TMEM178B: variants seen among roughly 807,000 people sequenced by gnomAD.
The protein encoded by TMEM178B is transmembrane protein 178B.
In TMEM178B, 5 loss-of-function variants were observed where a neutral mutation model predicts 31.0. The observed-to-expected ratio is 0.16, with a 90% CI of 0.08 to 0.34. TMEM178B has a LOEUF of 0.34. Ranked by LOEUF, TMEM178B falls within the 10% of genes least tolerant of loss-of-function variation. The pLI, the probability that TMEM178B is intolerant of heterozygous loss-of-function variation, is 1.00. For synonymous variants in TMEM178B, 164 were observed against 164.0 expected, an observed-to-expected ratio of 1.00 and a Z score of 0.00; for missense variants, 275 against 400.3, an observed-to-expected ratio of 0.69 and a Z score of 2.67.
intron 1 of TMEM178B, among the ~76,000 whole-genome samples, chr7:141,189,854 C>T (rs1796669088): frequency 6.6e-6 from 1 of 152,150 alleles, no homozygotes; most frequent in Non-Finnish European, 1.5e-5. Context: ...ACCACCAGGG[C>T]TGCTGGGCCC....
chr7:141,402,260 G>A (rs770693416), intron 2 of TMEM178B, among the ~76,000 whole-genome samples: 1 of 152,232 alleles, frequency 6.6e-6, no homozygotes, highest in Non-Finnish European at 1.5e-5. Flanking sequence ...CCAGAAGGCT[G>A]CTGAGGAAGC....
intron 1 of TMEM178B, among the ~76,000 whole-genome samples, chr7:141,097,793 C>CTTTTTTTTTTTTTTTTT (rs552569756): frequency 1.6e-5 from 2 of 125,938 alleles, no homozygotes; most frequent in African/African-American, 3.2e-5. Context: ...TTCTTTCTTT[C>CTTTTTTTTTTTTTTTTT]TTTTTTTTTT....
intron 2 of TMEM178B, among the ~76,000 whole-genome samples, chr7:141,375,843 A>T (rs2116578046): frequency 6.6e-6 from 1 of 152,318 alleles, no homozygotes; most frequent in South Asian, 2.1e-4. Flanking sequence ...CCTCTTAGAC[A>T]TAAAATAGAA....
chr7:141,113,512 T>C (rs976519309), intron 1 of TMEM178B, among the ~76,000 whole-genome samples: 1 of 152,214 alleles, frequency 6.6e-6, no homozygotes, highest in African/African-American at 2.4e-5. Flanking sequence ...TACCTCTTCC[T>C]GGGAGGATCC....
Position 141,137,931 on chromosome 7 carries a change from G to T in TMEM178B, c.382+63239G>T, listed in dbSNP as rs143750321. On this transcript the variant is annotated intron_variant, in intron 1 of 3. Coordinates refer to ENST00000565468, the MANE Select transcript of TMEM178B (RefSeq NM_001195278.2). ...TTGTCCATGTTGTATGATGGAAGGG[G>T]GCTGCTGTAAGTTTCCATTCTACAA... is the stretch of plus-strand genomic sequence containing the variant. 2.8e-3 allele frequency among the ~76,000 whole-genome samples: 419 copies of T among 152,182 alleles called. 4 individuals carry two copies. Among genetic ancestry groups the T allele is most frequent in the African/African-American group, 9.5e-3 (395 of 41,518 alleles).
chr7:141,138,518 G>C (rs980875977), intron 1 of TMEM178B, among the ~76,000 whole-genome samples: 1 of 152,074 alleles, frequency 6.6e-6, no homozygotes, highest in Non-Finnish European at 1.5e-5. Context: ...CCTTCTGAGG[G>C]TGGGGGTGGA....
chr7:141,230,446 G>T (rs143354331), intron 2 of TMEM178B, among the ~76,000 whole-genome samples: 14 of 152,146 alleles, frequency 9.2e-5, no homozygotes, highest in Non-Finnish European at 1.9e-4. Context: ...ATGGTTATCA[G>T]CCACTTGTAC....
chr7:141,350,616 T>C (rs1799703640), intron 2 of TMEM178B, among the ~76,000 whole-genome samples: 1 of 152,094 alleles, frequency 6.6e-6, no homozygotes. Flanking sequence ...CTGGGAACAG[T>C]GTAAGGGAGA....
At chr7:141,404,300 A>T (rs752477749) in intron 2 of TMEM178B, among the ~76,000 whole-genome samples, 2 of 152,210 alleles carry the variant, frequency 1.3e-5, no homozygotes, top group Non-Finnish European at 2.9e-5. Flanking sequence ...GTGAGACTCC[A>T]TCTCAAAAAC....
chr7:141,191,452 T>G (rs139394380), intron 1 of TMEM178B, among the ~76,000 whole-genome samples: 1 of 152,238 alleles, frequency 6.6e-6, no homozygotes, highest in African/African-American at 2.4e-5. Flanking sequence ...AACAAATTTA[T>G]GAAATTTACA....
chr7:141,438,695 C>CCAAAAAAAAAAAAAAAAAAAAAAA (rs1801596582), intron 3 of TMEM178B, among the ~76,000 whole-genome samples: 1 of 12,678 alleles, frequency 7.9e-5, no homozygotes. Flanking sequence ...CCCGTCTCTA[C>CCAAAAAAAAAAAAAAAAAAAAAAA]TAAAAAAAAA....
In TMEM178B at chr7:141,187,196, G is replaced by GT. The variant is rs1796624509; in HGVS notation, c.383-25389dup. ...TATGAGTGAGAACATGTGGTGTTTG[G>GT]TTTTTTGTCCTTGTGATAGTTTGCT... On this transcript the variant is annotated intron_variant, in intron 1 of 3. Transcript: ENST00000565468. Among the ~76,000 whole-genome samples the GT allele has an allele frequency of 6.8e-5, 10 of 147,902 alleles. 1 individual carries two copies. The South Asian group carries it at 1.9e-3, about 29-fold the overall frequency.
chr7:141,077,697 A>G (rs1458642226), intron 1 of TMEM178B, among the ~76,000 whole-genome samples: 3 of 152,240 alleles, frequency 2.0e-5, no homozygotes, highest in African/African-American at 4.8e-5. Context: ...TATTTGGGAA[A>G]TATTTCATAC....
chr7:141,303,030 T>C (rs1798754460), intron 2 of TMEM178B, among the ~76,000 whole-genome samples: 1 of 152,246 alleles, frequency 6.6e-6, no homozygotes, highest in Non-Finnish European at 1.5e-5. Flanking sequence ...GGGAGAAATG[T>C]TGTCCTAATT....
chr7:141,450,267 T>C (rs1367129862), intron 3 of TMEM178B, among the ~76,000 whole-genome samples: 1 of 152,320 alleles, frequency 6.6e-6, no homozygotes. Flanking sequence ...ATCCCCACTT[T>C]AGTGAACCAT....
Position 141,422,034 on chromosome 7 carries a change from C to T in TMEM178B, c.497-15574C>T, listed in dbSNP as rs1801219889. ...CAGTCTTATATTAATATTTAGTTTA[C>T]ATCTTCTCCCTTTCCCAGCTCGGGC... On this transcript the variant is annotated intron_variant, in intron 2 of 3. Transcript: ENST00000565468. The surrounding 1 kb of genome is among the most constrained non-coding windows in gnomAD (Gnocchi z 4.2). Among the ~76,000 whole-genome samples, 1 of 152,174 alleles carries T rather than the reference C, an allele frequency of 6.6e-6. No individual in the cohort carries two copies. Among genetic ancestry groups the T allele is most frequent in the Non-Finnish European group, 1.5e-5 (1 of 68,016 alleles).
At position 141,212,714 on chromosome 7, in the gene TMEM178B, C is replaced by G; in HGVS notation, c.496+10C>G. 1 of 1,530,838 alleles carries G rather than the reference C, an allele frequency of 6.5e-7. No individual in the cohort carries two copies. Among genetic ancestry groups the G allele is most frequent in the Non-Finnish European group, 8.8e-7 (1 of 1,142,136 alleles). 94.8% of individuals were successfully genotyped at this position (1,530,838 alleles called of 1,614,324 possible). ...GAGTGGCATGCCCTACGTAAGTGCACCTGAGTCTCAGTGGCTGTGACTGTG... is the reference window on the plus strand; with the variant it reads ...GAGTGGCATGCCCTACGTAAGTGCAGCTGAGTCTCAGTGGCTGTGACTGTG... On this transcript the variant is annotated intron_variant, in intron 2 of 3. Coordinates refer to ENST00000565468, the MANE Select transcript of TMEM178B (RefSeq NM_001195278.2).
intron 1 of TMEM178B, among the ~76,000 whole-genome samples, chr7:141,096,387 C>A (rs1794961254): frequency 6.6e-6 from 1 of 152,140 alleles, no homozygotes; most frequent in South Asian, 2.1e-4. Flanking sequence ...TGTGTGATTG[C>A]CTATTTTCTT....
chr7:141,165,330 G>T (rs1796244935), intron 1 of TMEM178B, among the ~76,000 whole-genome samples: 1 of 152,080 alleles, frequency 6.6e-6, no homozygotes. Context: ...TATTGGTCAG[G>T]CATTGCATAG....
Sources: gnomAD v4.1 joint callset for allele counts (sites outside exome capture counted in the v4.1 genomes callset) on GRCh38, gnomAD v4.1.1 for gene constraint, Gnocchi (gnomAD v3.1) non-coding constraint, MANE v1.5 for transcripts, NCBI Gene and HGNC (gene_info 2026-07-23, HGNC 2026-07-21) for gene names.